The following KMT5B variants were observed in gnomAD, a reference collection of about 807,000 sequenced individuals.
KMT5B encodes the protein lysine methyltransferase 5B.
A neutral mutation model predicts 83.2 loss-of-function variants in KMT5B; 10 were observed. The ratio of observed to expected loss-of-function variants is 0.12; its 90% confidence interval spans 0.07 to 0.20. The LOEUF is 0.20. Among genes scored for constraint, KMT5B ranks in the 10% least tolerant of loss-of-function variants. The pLI is 1.00. For synonymous variants in KMT5B, 349 were observed against 388.8 expected, an observed-to-expected ratio of 0.90 and a Z score of 1.20; for missense variants, 753 against 1,067.2, an observed-to-expected ratio of 0.71 and a Z score of 4.10.
intron 1 of KMT5B, among the ~76,000 whole-genome samples, chr11:68,201,791 A>G (rs1456067714): frequency 6.6e-6 from 1 of 152,026 alleles, no homozygotes; most frequent in Non-Finnish European, 1.5e-5. Flanking sequence ...TTTAAAAAGT[A>G]GGTTCTGGCT....
intron 9 of KMT5B, among the ~76,000 whole-genome samples, chr11:68,168,048 C>A (rs1337194413): frequency 1.3e-5 from 2 of 152,014 alleles, no homozygotes; most frequent in Non-Finnish European, 2.9e-5. Flanking sequence ...TGATGGCAGG[C>A]GCCTGTAGTC....
intron 10 of KMT5B, chr11:68,164,670 C>T: frequency 1.9e-6 from 1 of 514,672 alleles, no homozygotes; most frequent in South Asian, 1.4e-5. Flanking sequence ...TTGGATTGCT[C>T]CAATCATGCT....
intron 3 of KMT5B, among the ~76,000 whole-genome samples, chr11:68,184,604 T>A (rs189666337): frequency 2.0e-4 from 30 of 152,326 alleles, no homozygotes; most frequent in African/African-American, 6.5e-4. Context: ...GGGTATCAAG[T>A]TCCCCCAGGG....
Position 68,190,052 on chromosome 11 carries a change from T to C in KMT5B, c.25A>G (p.Asn9Asp). 6.2e-7 allele frequency: 1 copy of C among 1,614,094 alleles called. No individual in the cohort carries two copies. The highest frequency in any genetic ancestry group is 8.5e-7 in the Non-Finnish European group (1 of 1,179,980). Residue 9 changes from asparagine to aspartate, a missense_variant, in exon 2 of 11, where the codon AAC (asparagine) becomes GAC (aspartate). Physicochemically the swap from Asn to Asp is conservative, Grantham distance 23. Coordinates refer to ENST00000304363, the MANE Select transcript of KMT5B (RefSeq NM_017635.5). The part of the protein sequence containing the change: MKWLGESK[N>D]MVVNGRRNGG... Reference sequence around the variant, plus strand: ...TTTCTCCTGCCATTCACCACCATGTTCTTGGATTCTCCCAACCACTTCATA... The same window carrying C: ...TTTCTCCTGCCATTCACCACCATGTCCTTGGATTCTCCCAACCACTTCATA...
intron 9 of KMT5B, among the ~76,000 whole-genome samples, chr11:68,168,752 G>A (rs1270954439): frequency 2.0e-5 from 3 of 152,136 alleles, no homozygotes; most frequent in Admixed American, 6.5e-5. Flanking sequence ...AGTGTCTAGC[G>A]CGACTCAGTG....
At chr11:68,198,832 C>A (rs1859058479) in intron 1 of KMT5B, among the ~76,000 whole-genome samples, 1 of 152,166 alleles carries the variant, frequency 6.6e-6, no homozygotes, top group Admixed American at 6.5e-5. Flanking sequence ...CGGGTTCAAG[C>A]CATTCTCCTG....
At position 68,171,464 on chromosome 11, in the gene KMT5B, G is replaced by T; in HGVS notation, c.820+79C>A. ...CTCCTTTAAAGGAAGATAAAGGTTT[G>T]ACTGAGGTTGACAAGGCCATTCTAG... On this transcript the variant is annotated intron_variant, in intron 7 of 10. Coordinates refer to ENST00000304363, the MANE Select transcript of KMT5B (RefSeq NM_017635.5). This position sits in a 1 kb window ranked among gnomAD's most constrained non-coding sequence, Gnocchi z 5.1. 1.4e-6 allele frequency: 2 copies of T among 1,445,202 alleles called. No individual in the cohort carries two copies. Among genetic ancestry groups the T allele is most frequent in the South Asian group, 2.5e-5 (2 of 78,866 alleles). 89.5% of individuals were successfully genotyped at this position (1,445,202 alleles called of 1,614,324 possible). A position where few individuals can be genotyped will look rare whatever the true frequency, so the allele number is the denominator to read the frequency against.
chr11:68,206,459 C>T (rs1251336044), intron 1 of KMT5B, among the ~76,000 whole-genome samples: 1 of 152,154 alleles, frequency 6.6e-6, no homozygotes, highest in African/African-American at 2.4e-5. Context: ...ACGTTAGAGG[C>T]CACTTTGAGT....
intron 1 of KMT5B, among the ~76,000 whole-genome samples, chr11:68,198,413 G>A (rs925357871): frequency 2.0e-5 from 3 of 150,760 alleles, no homozygotes; most frequent in Non-Finnish European, 4.4e-5. Flanking sequence ...GAAGAGGAAA[G>A]AAGATGAAGG....
At position 68,158,142 on chromosome 11, in the gene KMT5B, T is replaced by G; in HGVS notation, c.2204A>C (p.Asn735Thr). Residue 735 changes from asparagine to threonine, a missense_variant, in exon 11 of 11, where the codon AAT becomes ACT. Transcript: ENST00000304363. ...TATTTTGGAAGAGTTCATTCCATCATTCTCTTGGTCATTTGTTTTGCTGCT... is the reference window on the plus strand; with the variant it reads ...TATTTTGGAAGAGTTCATTCCATCAGTCTCTTGGTCATTTGTTTTGCTGCT... ...DSSSKTNDQE[N>T]DGMNSSKISI... The G allele has an allele frequency of 6.2e-7, 1 of 1,614,222 alleles. No individual in the cohort carries two copies. Among genetic ancestry groups the G allele is most frequent in the Non-Finnish European group, 8.5e-7 (1 of 1,180,044 alleles).
intron 1 of KMT5B, among the ~76,000 whole-genome samples, chr11:68,194,319 G>C (rs535986781): frequency 1.9e-4 from 29 of 150,992 alleles, no homozygotes; most frequent in Admixed American, 4.6e-4. Flanking sequence ...AGCCTCCTAA[G>C]TAGCTGGAAT....
At chr11:68,178,136 AG>A (rs1856553064) in intron 4 of KMT5B, among the ~76,000 whole-genome samples, 1 of 152,246 alleles carries the variant, frequency 6.6e-6, no homozygotes. Context: ...GTTAAATGAC[AG>A]GGCTACAAAC....
intron 6 of KMT5B, among the ~76,000 whole-genome samples, chr11:68,172,971 G>A (rs954772304): frequency 6.6e-6 from 1 of 152,042 alleles, no homozygotes; most frequent in African/African-American, 2.4e-5. Flanking sequence ...TAGGGAACAG[G>A]CATGATAGGA....
chr11:68,203,661 T>C (rs1859724437), intron 1 of KMT5B, among the ~76,000 whole-genome samples: 1 of 152,154 alleles, frequency 6.6e-6, no homozygotes, highest in South Asian at 2.1e-4. Context: ...CTACCACGAA[T>C]TCACGTTCAT....
At chr11:68,178,604 A>G (rs1054375685) in intron 4 of KMT5B, among the ~76,000 whole-genome samples, 1 of 152,220 alleles carries the variant, frequency 6.6e-6, no homozygotes, top group Non-Finnish European at 1.5e-5. Flanking sequence ...AATGACAGTA[A>G]GGAAAAGGGG....
intron 6 of KMT5B, among the ~76,000 whole-genome samples, chr11:68,172,920 T>C (rs1401077289): frequency 6.6e-6 from 1 of 152,110 alleles, no homozygotes; most frequent in Non-Finnish European, 1.5e-5. Flanking sequence ...TATCAGAGGG[T>C]GGGTACATGA....
intron 1 of KMT5B, among the ~76,000 whole-genome samples, chr11:68,200,255 A>G (rs1431597854): frequency 2.0e-5 from 3 of 152,218 alleles, no homozygotes; most frequent in Non-Finnish European, 4.4e-5. Flanking sequence ...ATAGGTCAAG[A>G]GGAGGAGAAG....
At position 68,157,910 on chromosome 11, in the gene KMT5B, T is replaced by G. The variant is rs1485215614; in HGVS notation, c.2436A>C (p.Arg812=). Residue 812 remains arginine, a synonymous_variant, in exon 11 of 11, where the codon CGA becomes CGC. Coordinates refer to ENST00000304363, the MANE Select transcript of KMT5B (RefSeq NM_017635.5). The stretch of plus-strand genomic sequence containing the variant: ...ACTGACTATAGTCATCCACCTCCAT[T>G]CGAGACTCCAAGAGAGAAAGAGGAT... ...CSDPLSLLES[R]MEVDDYSQYE... is the part of the protein sequence containing the mutation. 6.2e-7 allele frequency: 1 copy of G among 1,614,018 alleles called. No individual in the cohort carries two copies. Among genetic ancestry groups the G allele is most frequent in the Admixed American group, 1.7e-5 (1 of 60,016 alleles).
At chr11:68,185,753 T>C (rs760150136) in intron 3 of KMT5B, 28 bp downstream of exon 3, 1 of 1,598,346 alleles carries the variant, frequency 6.3e-7, no homozygotes, top group Non-Finnish European at 8.5e-7. Context: ...AATCATCTGT[T>C]CCATTCAGGA....
Sources: allele counts gnomAD v4.1 joint callset (sites outside exome capture counted in the v4.1 genomes callset), GRCh38; gene constraint gnomAD v4.1.1; non-coding constraint Gnocchi (gnomAD v3.1); transcripts MANE v1.5; gene names NCBI Gene and HGNC (gene_info 2026-07-23, HGNC 2026-07-21).